The following UGT8 variants were observed in gnomAD, a reference collection of about 807,000 sequenced individuals.
The protein encoded by UGT8 is UDP glycosyltransferase 8.
In UGT8, 12 loss-of-function variants were observed where a neutral mutation model predicts 40.5. The observed-to-expected ratio is 0.30, with a 90% CI of 0.19 to 0.48. UGT8 has a LOEUF of 0.48. Among genes scored for constraint, UGT8 ranks in the 20% least tolerant of loss-of-function variants. The pLI, the probability that UGT8 is intolerant of heterozygous loss-of-function variation, is 0.99. For missense variants in UGT8, 513 were observed against 648.7 expected (o/e 0.79, Z 2.27); for synonymous variants, 224 against 240.4 (o/e 0.93, Z 0.63).
chr4:114,658,415 A>G (rs1046079628), intron 2 of UGT8, among the ~76,000 whole-genome samples: 3 of 152,172 alleles, frequency 2.0e-5, no homozygotes, highest in Non-Finnish European at 4.4e-5. Context: ...CCCCTTCTCA[A>G]GGCTCCCATT....
intron 2 of UGT8, among the ~76,000 whole-genome samples, chr4:114,626,122 G>T (rs1011090054): frequency 3.9e-5 from 6 of 152,078 alleles, no homozygotes; most frequent in Non-Finnish European, 8.8e-5. Context: ...TTTGAGCAGG[G>T]AGTATTTTGA....
chr4:114,656,730 A>G (rs770081241), intron 2 of UGT8: 2 of 494,578 alleles, frequency 4.0e-6, no homozygotes, highest in East Asian at 1.2e-4. Context: ...CTGAGGGGGA[A>G]GTTTCAGGCA....
chr4:114,610,164 T>A (rs1241861855), intron 1 of UGT8, among the ~76,000 whole-genome samples: 1 of 152,154 alleles, frequency 6.6e-6, no homozygotes, highest in African/African-American at 2.4e-5. Flanking sequence ...TAGAAGATGC[T>A]GGATTAGGAC....
intron 1 of UGT8, among the ~76,000 whole-genome samples, chr4:114,611,393 CATATATATCCATATATATATATATATAT>C (rs1731028069): frequency 9.5e-6 from 1 of 105,520 alleles, no homozygotes; most frequent in Admixed American, 1.1e-4. Context: ...ATAACATAGC[CATATATATCCATATATATATATATATAT>C]ATATATATAT....
intron 2 of UGT8, among the ~76,000 whole-genome samples, chr4:114,645,919 G>A (rs987014322): frequency 6.6e-6 from 1 of 152,092 alleles, no homozygotes; most frequent in Admixed American, 6.6e-5. Context: ...TAGGTTGAAG[G>A]GACAGAAGAG....
Position 114,665,733 on chromosome 4 carries a change from G to T in UGT8, c.1019G>T (p.Trp340Leu). The T allele has an allele frequency of 6.2e-7, 1 of 1,609,372 alleles. No individual in the cohort carries two copies. Among genetic ancestry groups the T allele is most frequent in the Non-Finnish European group, 8.5e-7 (1 of 1,178,358 alleles). The change falls in exon 4 of 6, where the codon TGG becomes TTG. Residue 340 changes from tryptophan (W) to leucine (L), a missense_variant. Coordinates refer to ENST00000310836, the MANE Select transcript of UGT8 (RefSeq NM_001128174.3). ...NLGNNTKLIE[W>L]LPQNDLLGHS... is the part of the protein sequence containing the mutation. The stretch of plus-strand genomic sequence containing the variant: ...GGAAACAACACTAAACTCATAGAAT[G>T]GTTACCACAAAATGACCTGCTTGGT...
At position 114,638,179 on chromosome 4, in the gene UGT8, C is replaced by T. The variant is rs113998255; in HGVS notation, c.822+14477C>T. On this transcript the variant is annotated intron_variant, in intron 2 of 5. Transcript: ENST00000310836. ...AGTAAATCATGTATTCATTTAAATCCAGTGACTGTGTTAGCTCCTGAGAAG... is the reference window on the plus strand; with the variant it reads ...AGTAAATCATGTATTCATTTAAATCTAGTGACTGTGTTAGCTCCTGAGAAG... 1.2e-3 allele frequency among the ~76,000 whole-genome samples: 178 copies of T among 152,108 alleles called. 1 individual carries two copies. Among genetic ancestry groups the T allele is most frequent in the African/African-American group, 4.2e-3 (175 of 41,504 alleles).
chr4:114,648,609 C>G (rs1733723009), intron 2 of UGT8, among the ~76,000 whole-genome samples: 1 of 151,920 alleles, frequency 6.6e-6, no homozygotes, highest in Admixed American at 6.6e-5. Context: ...AGTTGCAGAG[C>G]TTAGGGTAGA....
chr4:114,613,479 C>T (rs984484655), intron 1 of UGT8, among the ~76,000 whole-genome samples: 1 of 152,088 alleles, frequency 6.6e-6, no homozygotes, highest in Non-Finnish European at 1.5e-5. Context: ...TAGTCATGTG[C>T]TTCTGAGAGA....
chr4:114,667,835 G>T, intron 4 of UGT8: 3 of 796,258 alleles, frequency 3.8e-6, no homozygotes. Context: ...TGCAATATTT[G>T]TGTTAAAAAT....
chr4:114,601,383 AT>A (rs1361234343), intron 1 of UGT8, among the ~76,000 whole-genome samples: 1 of 152,190 alleles, frequency 6.6e-6, no homozygotes, highest in Non-Finnish European at 1.5e-5. Flanking sequence ...TGTTTATCAA[AT>A]AATATCAATT....
intron 5 of UGT8, among the ~76,000 whole-genome samples, chr4:114,674,180 A>G (rs1167855674): frequency 6.6e-6 from 1 of 152,154 alleles, no homozygotes; most frequent in African/African-American, 2.4e-5. Flanking sequence ...GTAATCTTAT[A>G]GCTCCATCCT....
chr4:114,668,706 A>G (rs1735047632), intron 5 of UGT8, among the ~76,000 whole-genome samples: 1 of 152,240 alleles, frequency 6.6e-6, no homozygotes, highest in African/African-American at 2.4e-5. Flanking sequence ...TTACACAGCA[A>G]TTGTAGTTGA....
chr4:114,633,083 T>A (rs990296805), intron 2 of UGT8, among the ~76,000 whole-genome samples: 10 of 152,268 alleles, frequency 6.6e-5, no homozygotes, highest in Non-Finnish European at 1.3e-4. Flanking sequence ...TGTATAACAT[T>A]GAAAAGGTTT....
chr4:114,626,086 T>G (rs1732199117), intron 2 of UGT8, among the ~76,000 whole-genome samples: 1 of 152,216 alleles, frequency 6.6e-6, no homozygotes, highest in African/African-American at 2.4e-5. Flanking sequence ...AAGGGCTGTT[T>G]TCATTTCAGA....
At chr4:114,643,048 T>A (rs1733325625) in intron 2 of UGT8, among the ~76,000 whole-genome samples, 1 of 152,168 alleles carries the variant, frequency 6.6e-6, no homozygotes, top group Admixed American at 6.5e-5. Context: ...TCTTATTATT[T>A]TAATGTTGTT....
intron 2 of UGT8, among the ~76,000 whole-genome samples, chr4:114,644,735 AC>A (rs1484210964): frequency 1.3e-5 from 2 of 151,994 alleles, no homozygotes; most frequent in African/African-American, 2.4e-5. Flanking sequence ...TTAAAATCAC[AC>A]CTATCCTTCC....
chr4:114,667,995 C>T lies in UGT8; in HGVS notation c.1043-90C>T. ...ATCCTTTATCTGAAATGCATGTTTA[C>T]TGTAGTGCCGATTTTTAATGAATTT... is the stretch of plus-strand genomic sequence containing the variant. On this transcript the variant is annotated intron_variant, in intron 4 of 5. Coordinates refer to ENST00000310836, the MANE Select transcript of UGT8 (RefSeq NM_001128174.3). 3.3e-6 allele frequency: 5 copies of T among 1,527,010 alleles called. No individual in the cohort carries two copies. In the South Asian group the frequency reaches 6.5e-5, roughly 20 times the overall value. The allele number at this position is 1,527,010 out of a possible 1,614,324, so 94.6% of individuals were successfully genotyped here. A position where few individuals can be genotyped will look rare whatever the true frequency, so the allele number is the denominator to read the frequency against.
intron 2 of UGT8, among the ~76,000 whole-genome samples, chr4:114,658,281 C>T (rs1030734030): frequency 6.6e-6 from 1 of 152,180 alleles, no homozygotes; most frequent in African/African-American, 2.4e-5. Flanking sequence ...AACTCCAACA[C>T]CCACCCCCCT....
Sources: allele counts gnomAD v4.1 joint callset (sites outside exome capture counted in the v4.1 genomes callset), GRCh38; gene constraint gnomAD v4.1.1; transcripts MANE v1.5; gene names NCBI Gene and HGNC (gene_info 2026-07-23, HGNC 2026-07-21).